Variants in OTOGL observed in about 807,000 individuals in gnomAD.
The protein encoded by OTOGL is otogelin like, also known as otogelin-like protein.
OTOGL carries 285 observed loss-of-function variants against 318.5 expected under a neutral mutation model. That is an observed-to-expected ratio of 0.89 (90% CI 0.81 to 0.99). The LOEUF (loss-of-function observed/expected upper bound fraction) is 0.99, where lower values mean the gene tolerates loss of function less well. OTOGL is among the 50% of genes least tolerant of loss of function. The probability of loss-of-function intolerance (pLI) is 0.00; values close to 1 mark genes in which losing one functional copy is unlikely to be tolerated. For missense variants in OTOGL, 2,899 were observed against 2,845.6 expected (o/e 1.02, Z -0.43); for synonymous variants, 987 against 936.5 (o/e 1.05, Z -0.99).
At chr12:80,238,647 C>G (rs893391439) in intron 9 of OTOGL, among the ~76,000 whole-genome samples, 2 of 152,090 alleles carry the variant, frequency 1.3e-5, no homozygotes, top group African/African-American at 2.4e-5. Flanking sequence ...ATGGAACTAA[C>G]TTTTATTTGG....
At chr12:80,164,959 G>T (rs1873745362) in intron 1 of OTOGL, among the ~76,000 whole-genome samples, 1 of 152,064 alleles carries the variant, frequency 6.6e-6, no homozygotes, top group Non-Finnish European at 1.5e-5. Flanking sequence ...GGTATGAAGA[G>T]GATATTCAAC....
chr12:80,355,916 A>G lies in OTOGL; in HGVS notation c.5774A>G (p.Asp1925Gly), dbSNP rs1350287126. 2 of 1,613,812 alleles carry G rather than the reference A, an allele frequency of 1.2e-6. No homozygotes were observed. Among genetic ancestry groups the G allele is most frequent in the East Asian group, 2.2e-5 (1 of 44,896 alleles). The stretch of plus-strand genomic sequence containing the variant: ...GCTGAAGTTGTCATGGGCATCATTG[A>G]TAAATGGACCTGCTGTTCAAAGGAA... ...REAEVVMGII[D>G]KWTCCSKEVC... The change falls in exon 47 of 59, where the codon GAT (aspartate) becomes GGT (glycine). Residue 1925 changes from aspartate (D) to glycine (G), a missense_variant. This residue lies in a region of OTOGL where 2,607 missense variants were observed against 2,524.9 expected (regional missense o/e 1.03). Coordinates refer to ENST00000547103, the MANE Select transcript of OTOGL (RefSeq NM_001378609.3).
At chr12:80,117,807 T>C (rs534099069) in intron 1 of OTOGL, among the ~76,000 whole-genome samples, 23 of 152,358 alleles carry the variant, frequency 1.5e-4, no homozygotes, top group South Asian at 6.2e-4. Context: ...ATACAAGCTT[T>C]GCTTTCTTAA....
intron 10 of OTOGL, 51 bp downstream of exon 10, chr12:80,239,029 C>A (rs1880129318): frequency 2.5e-5 from 38 of 1,509,972 alleles, no homozygotes; most frequent in Non-Finnish European, 3.2e-5. Flanking sequence ...ACACATATAT[C>A]TTATTTGTAT....
At chr12:80,243,457 G>A (rs575821483) in intron 11 of OTOGL, among the ~76,000 whole-genome samples, 26 of 151,790 alleles carry the variant, frequency 1.7e-4, no homozygotes, top group South Asian at 1.0e-3. Context: ...TATGGGTAAC[G>A]GACATTCTCT....
At chr12:80,159,780 C>A (rs944012095) in intron 1 of OTOGL, among the ~76,000 whole-genome samples, 2 of 151,936 alleles carry the variant, frequency 1.3e-5, no homozygotes, top group African/African-American at 4.8e-5. Flanking sequence ...AAACAAAAGC[C>A]CACATAGCCA....
At chr12:80,213,883 A>T (rs1013448961) in intron 4 of OTOGL, among the ~76,000 whole-genome samples, 4 of 152,118 alleles carry the variant, frequency 2.6e-5, no homozygotes, top group South Asian at 2.1e-4. Flanking sequence ...CCATACATTC[A>T]CTCTTCTGCT....
At chr12:80,339,770 C>A (rs955957688) in intron 43 of OTOGL, among the ~76,000 whole-genome samples, 2 of 151,786 alleles carry the variant, frequency 1.3e-5, no homozygotes, top group Admixed American at 6.6e-5. Flanking sequence ...GGATATTTGT[C>A]CTAGTTTTAT....
chr12:80,170,209 G>A (rs7311191), intron 1 of OTOGL, among the ~76,000 whole-genome samples: 138 of 111,228 alleles, frequency 1.2e-3, no homozygotes, highest in Middle Eastern at 8.2e-3. Context: ...GTGTGTGTGT[G>A]TGTGTATGTA....
chr12:80,241,552 A>G (rs549582835), intron 11 of OTOGL, among the ~76,000 whole-genome samples: 1 of 152,016 alleles, frequency 6.6e-6, no homozygotes, highest in African/African-American at 2.4e-5. Context: ...CTTATTCCAC[A>G]GTGTCTCAGT....
chr12:80,305,510 T>C (rs1356219594), intron 28 of OTOGL, 66 bp from the exon 29 acceptor site: 2 of 1,222,292 alleles, frequency 1.6e-6, no homozygotes, highest in African/African-American at 3.1e-5. Context: ...AAAGTTTTAA[T>C]GAATATGAGT....
At chr12:80,343,532 TTTTTA>T (rs1227922354) in intron 44 of OTOGL, 7 of 132,002 alleles carry the variant, frequency 5.3e-5, no homozygotes, top group Admixed American at 5.3e-4. Flanking sequence ...TTTTTTTTTT[TTTTTA>T]ACTTTCTTTT....
intron 44 of OTOGL, among the ~76,000 whole-genome samples, chr12:80,346,491 GTC>G (rs796307950): frequency 3.6e-4 from 55 of 152,232 alleles, no homozygotes; most frequent in African/African-American, 1.3e-3. Flanking sequence ...TAATTAAAAG[GTC>G]TCTGAGTAGT....
At chr12:80,363,554 AAG>A (rs1018806328) in intron 52 of OTOGL, among the ~76,000 whole-genome samples, 2 of 137,902 alleles carry the variant, frequency 1.5e-5, no homozygotes, top group African/African-American at 5.4e-5. Flanking sequence ...GAGAGAGAGA[AAG>A]AGAGAGAGAG....
At chr12:80,208,519 C>G (rs935000856) in intron 1 of OTOGL, among the ~76,000 whole-genome samples, 1 of 152,148 alleles carries the variant, frequency 6.6e-6, no homozygotes, top group Non-Finnish European at 1.5e-5. Context: ...AATGTGCACC[C>G]ACTATATAAG....
Position 80,380,165 on chromosome 12 carries a change from A to G in OTOGL, c.*2117A>G, listed in dbSNP as rs1891381565. 2.0e-5 allele frequency: 3 copies of G among 152,060 alleles called. No homozygotes were observed. The highest frequency in any genetic ancestry group is 4.4e-5 in the Non-Finnish European group (3 of 67,934). 9.4% of individuals were successfully genotyped at this position (152,060 alleles called of 1,614,324 possible). On this transcript the variant is annotated 3_prime_UTR_variant, in exon 59 of 59. Coordinates refer to ENST00000547103, the MANE Select transcript of OTOGL (RefSeq NM_001378609.3). ...TCAGAGATTTAAATGTTAAAAAACA[A>G]AAGAAGATAGGAGTTACAAAAGAAA... is the stretch of plus-strand genomic sequence containing the variant.
intron 1 of OTOGL, among the ~76,000 whole-genome samples, chr12:80,108,754 AAT>A (rs1231393868): frequency 7.4e-6 from 1 of 135,136 alleles, no homozygotes; most frequent in Non-Finnish European, 1.6e-5. Flanking sequence ...TATTTAAAAA[AAT>A]ATATATATAT....
rs974037607 is a variant in OTOGL at position 80,302,703 on chromosome 12, G to A, written c.3133G>A (p.Val1045Ile). 7.8e-6 allele frequency: 12 copies of A among 1,532,320 alleles called. No homozygotes were observed. In the African/African-American group the frequency reaches 1.1e-4, roughly 14 times the overall value. The allele number at this position is 1,532,320 out of a possible 1,614,324, so 94.9% of individuals were successfully genotyped here. ...QLWKAGYYIV[V>I]YFPEKDITIL... ...TTGGAAGGCTGGTTACTATATAGTA[G>A]TATACTTTCCAGAGAAAGATATCAC... The change falls in exon 28 of 59, where the codon GTA (valine) becomes ATA (isoleucine). Residue 1045 changes from valine (V) to isoleucine (I), a missense_variant. Val to Ile is a conservative substitution (Grantham distance 29, BLOSUM62 3). Around this residue, in one of 3 missense-constraint regions of OTOGL, gnomAD observed 2,607 missense variants for 2,524.9 expected, o/e 1.03. Coordinates refer to ENST00000547103, the MANE Select transcript of OTOGL (RefSeq NM_001378609.3).
At chr12:80,243,975 C>A (rs2137454181) in intron 11 of OTOGL, among the ~76,000 whole-genome samples, 1 of 150,526 alleles carries the variant, frequency 6.6e-6, no homozygotes, top group African/African-American at 2.4e-5. Flanking sequence ...TCCACCAGTA[C>A]AAACTAGGCG....
Sources: gnomAD v4.1 joint callset for allele counts (sites outside exome capture counted in the v4.1 genomes callset) on GRCh38, gnomAD v4.1.1 for gene constraint, gnomAD v4.1.1 regional missense constraint, MANE v1.5 for transcripts, NCBI Gene and HGNC (gene_info 2026-07-23, HGNC 2026-07-21) for gene names.